The following PLEC variants were observed in gnomAD, a reference collection of about 807,000 sequenced individuals.
PLEC encodes hemidesmosomal protein 1.
Under a neutral mutation model 392.8 loss-of-function variants are expected in PLEC, and 216 were observed. That is an observed-to-expected ratio of 0.55 (90% CI 0.49 to 0.62). PLEC has a LOEUF of 0.62. Ranked by LOEUF, PLEC falls within the 20% of genes least tolerant of loss-of-function variation. PLEC has a pLI of 0.00. For synonymous variants in PLEC, 3,621 were observed against 2,980.6 expected, an observed-to-expected ratio of 1.21 and a Z score of -7.00; for missense variants, 6,863 against 6,563.4, an observed-to-expected ratio of 1.05 and a Z score of -1.58.
chr8:143,952,942 TC>T (rs1832340524), upstream of PLEC, among the ~76,000 whole-genome samples: 1 of 150,358 alleles, frequency 6.7e-6, no homozygotes, highest in Non-Finnish European at 1.5e-5. Flanking sequence ...AGCAGAATGT[TC>T]CTGGCCCACC....
upstream of PLEC, among the ~76,000 whole-genome samples, chr8:143,976,551 C>T (rs1041806060): frequency 5.9e-5 from 9 of 152,162 alleles, no homozygotes; most frequent in Non-Finnish European, 1.3e-4. Context: ...CTCGGGCGTG[C>T]AGGGAGGTGC....
At chr8:143,935,798 G>A (rs112171455) in intron 6 of PLEC, 50 bp downstream of exon 6, 88 of 1,597,268 alleles carry the variant, frequency 5.5e-5, no homozygotes, top group African/African-American at 2.3e-4. Context: ...TAGTGGAGGC[G>A]CTGTGGGGGT....
At chr8:143,973,666 C>T (rs1319094584), upstream of PLEC, 1 of 411,392 alleles carries the variant, frequency 2.4e-6, no homozygotes, top group Non-Finnish European at 3.3e-6. The surrounding 1 kb of genome is among the most constrained non-coding windows in gnomAD (Gnocchi z 5.6). Flanking sequence ...GTCTGGGCCC[C>T]TCCCGGCGGG....
At position 143,969,350 on chromosome 8, in the gene PLEC, G is replaced by C. The variant is rs1217244275; in HGVS notation, c.70+4053C>G. ...CCCCATCCAGGGCAGATTCCTCTGG[G>C]GCTGAGGCTACTGCAGCCTGTGGCA... On this transcript the variant is annotated intron_variant, in intron 1 of 31. Coordinates refer to the PLEC transcript ENST00000356346. The surrounding 1 kb of genome is among the most constrained non-coding windows in gnomAD (Gnocchi z 5.1). Among the ~76,000 whole-genome samples, 3 of 152,202 alleles carry C rather than the reference G, an allele frequency of 2.0e-5. No individual in the cohort carries two copies. Among genetic ancestry groups the C allele is most frequent in the African/African-American group, 7.2e-5 (3 of 41,446 alleles).
rs782648800 is a variant in PLEC, at chr8:143,925,248, G to A, written c.4681C>T (p.Arg1561Trp). Residue 1561 changes from arginine (R) to tryptophan (W), a missense_variant, in exon 31 of 32, where the codon CGG becomes TGG. Physicochemically the swap from Arg to Trp is moderately radical, Grantham distance 101 (BLOSUM62 -3). Coordinates refer to ENST00000345136, the MANE Select transcript of PLEC (RefSeq NM_201384.3). ...RLRQAEVERA[R>W]QVQVALETAQ... ...GTCTCCAGGGCCACCTGTACCTGCC[G>A]CGCTCGCTCCACCTCGGCCTGCCGC... 1.4e-5 allele frequency: 22 copies of A among 1,588,128 alleles called. No individual in the cohort carries two copies. The highest frequency in any genetic ancestry group is 4.5e-5 in the East Asian group (2 of 44,340).
At chr8:143,952,988 G>GCCC (rs1318313380), upstream of PLEC, among the ~76,000 whole-genome samples, 16 of 84,480 alleles carry the variant, frequency 1.9e-4, no homozygotes, top group African/African-American at 6.5e-4. Flanking sequence ...TGCGGCATGC[G>GCCC]CCACCCCCCC....
rs886044838 is a variant in PLEC, at chr8:143,932,630, C to A, written c.1815+5G>T. 6.2e-7 allele frequency: 1 copy of A among 1,611,118 alleles called. No individual in the cohort carries two copies. Among genetic ancestry groups the A allele is most frequent in the Non-Finnish European group, 8.5e-7 (1 of 1,179,378 alleles). On this transcript the variant is annotated splice_donor_5th_base_variant and intron_variant, in intron 15 of 31. Transcript: ENST00000345136. ...CCTCCCCCGGCTGGCCCTGCCCCCA[C>A]TCACCAGCAGCTTGGCGTACTGCAG...
At chr8:143,931,274 TC>T (rs1564115718) in intron 19 of PLEC, among the ~76,000 whole-genome samples, 3 of 151,708 alleles carry the variant, frequency 2.0e-5, no homozygotes, top group Non-Finnish European at 4.4e-5. Context: ...CCTGCCTCAT[TC>T]CCCCCTTGGC....
chr8:143,931,127 A>T (rs1387199442), intron 19 of PLEC, among the ~76,000 whole-genome samples: 1 of 152,132 alleles, frequency 6.6e-6, no homozygotes, highest in Non-Finnish European at 1.5e-5. Context: ...TGCTCCTTCT[A>T]TAGCACAAGG....
Position 143,916,484 on chromosome 8 carries a change from TAGG to T in PLEC, c.13334_13336del (p.Ser4445del), listed in dbSNP as rs1416004070. ...CATGCTGCGGTCCAGCGCGTCCTTA[TAGG>T]AGATCTTGAGCTTGGTCTTAGGGCA... On this transcript the variant is annotated inframe_deletion, in exon 32 of 32. Transcript: ENST00000345136. The T allele has an allele frequency of 6.2e-7, 1 of 1,611,164 alleles. No individual in the cohort carries two copies. The highest frequency in any genetic ancestry group is 8.5e-7 in the Non-Finnish European group (1 of 1,179,218).
upstream of PLEC, chr8:143,953,925 C>T (rs899666235): frequency 5.7e-5 from 81 of 1,424,252 alleles, 1 homozygote; most frequent in Admixed American, 2.2e-3. Flanking sequence ...ATCAATGCGC[C>T]GGACAGGGCC....
upstream of PLEC, chr8:143,975,159 A>G: frequency 6.3e-7 from 1 of 1,596,626 alleles, no homozygotes; most frequent in Non-Finnish European, 8.5e-7. This position sits in a 1 kb window ranked among gnomAD's most constrained non-coding sequence, Gnocchi z 9.9. Flanking sequence ...GTGCACAGGC[A>G]AGGCCCTGCG....
At position 143,925,563 on chromosome 8, in the gene PLEC, C is replaced by T. The variant is rs186848953; in HGVS notation, c.4366G>A (p.Val1456Met). ...GTGGCCTCCAACTGCAGGCGCACCA[C>T]GCGGATCTCCTCCTCGATGCGCAGC... Reference protein sequence around the residue: ...SRLRIEEEIRVVRLQLEATER... With the variant: ...SRLRIEEEIRMVRLQLEATER... The change falls in exon 31 of 32, where the codon GTG (valine) becomes ATG (methionine). Residue 1456 changes from valine to methionine, a missense_variant. Physicochemically the swap from Val to Met is conservative, Grantham distance 21. Transcript: ENST00000345136. 7,519 of 1,588,218 alleles carry T rather than the reference C, an allele frequency of 4.7e-3. 18 individuals carry two copies. Among genetic ancestry groups the T allele is most frequent in the Non-Finnish European group, 5.6e-3 (6,546 of 1,174,818 alleles).
Position 143,931,506 on chromosome 8 carries a change from ACACGCCCCTG to A in PLEC, c.2304+18_2304+27del. On this transcript the variant is annotated intron_variant, in intron 19 of 31. Coordinates refer to ENST00000345136, the MANE Select transcript of PLEC (RefSeq NM_201384.3). Reference sequence around the variant, plus strand: ...CCAGACTCCAGGCCAGCCCCTCCTGACACGCCCCTGCACACCCCCTCCCTCACCTGGGCAT... The same window carrying A: ...CCAGACTCCAGGCCAGCCCCTCCTGACACACCCCCTCCCTCACCTGGGCAT... 5 of 1,559,140 alleles carry A rather than the reference ACACGCCCCTG, an allele frequency of 3.2e-6. No individual in the cohort carries two copies. Among genetic ancestry groups the A allele is most frequent in the Non-Finnish European group, 4.3e-6 (5 of 1,152,220 alleles).
chr8:143,974,280 G>A (rs558600086), upstream of PLEC, among the ~76,000 whole-genome samples: 5 of 152,348 alleles, frequency 3.3e-5, no homozygotes, highest in Non-Finnish European at 5.9e-5. This position sits in a 1 kb window ranked among gnomAD's most constrained non-coding sequence, Gnocchi z 5.9. Flanking sequence ...CCGGGGCCTC[G>A]GGACCCCCCA....
chr8:143,923,267 C>T lies in PLEC; in HGVS notation c.6662G>A (p.Arg2221His), dbSNP rs782458946. ...CTCCTCCTCCACCTGGCTGCGCTGG[C>T]GTGCGGCCTCCGTGGCCTCCGCCTT... ...RLKAEATEAA[R>H]QRSQVEEELF... Residue 2221 changes from arginine to histidine, a missense_variant, in exon 31 of 32, where the codon CGC (arginine) becomes CAC (histidine). Coordinates refer to ENST00000345136, the MANE Select transcript of PLEC (RefSeq NM_201384.3). The T allele has an allele frequency of 2.1e-5, 33 of 1,606,522 alleles. No individual in the cohort carries two copies. The highest frequency in any genetic ancestry group is 2.7e-5 in the African/African-American group (2 of 74,910).
Position 143,918,184 on chromosome 8 carries a change from G to T in PLEC, c.11637C>A (p.Asp3879Glu). Residue 3879 changes from aspartate to glutamate, a missense_variant, in exon 32 of 32, where the codon GAC becomes GAA. Coordinates refer to ENST00000345136, the MANE Select transcript of PLEC (RefSeq NM_201384.3). ...GGCCACGGAAGGTCAGCTTGCGGGC[G>T]TCCGACAGTGGCAGGAGCAGCTGGC... ...GTGQLLLPLS[D>E]ARKLTFRGLR... The T allele has an allele frequency of 4.4e-6, 7 of 1,592,898 alleles. No homozygotes were observed. The highest frequency in any genetic ancestry group is 6.0e-6 in the Non-Finnish European group (7 of 1,175,810).
Position 143,918,293 on chromosome 8 carries a change from A to G in PLEC, c.11528T>C (p.Val3843Ala), listed in dbSNP as rs1554674705. The change falls in exon 32 of 32, where the codon GTG (valine) becomes GCG (alanine). Residue 3843 changes from valine (V) to alanine (A), a missense_variant. Val to Ala is a moderately conservative substitution (Grantham distance 64). Transcript: ENST00000345136. ...THDQLSEPSE[V>A]RSYVDPSTDE... ...GGTGGACGGGTCCACGTAGCTGCGC[A>G]CCTCGCTGGGCTCTGACAGCTGGTC... The G allele has an allele frequency of 3.1e-6, 5 of 1,591,506 alleles. No homozygotes were observed. Among genetic ancestry groups the G allele is most frequent in the Non-Finnish European group, 4.3e-6 (5 of 1,176,460 alleles).
rs1554700338 is a variant in PLEC at position 143,925,029 on chromosome 8, A to G, written c.4900T>C (p.Trp1634Arg). Residue 1634 changes from tryptophan (W) to arginine (R), a missense_variant, in exon 31 of 32, where the codon TGG becomes CGG. Physicochemically the swap from Trp to Arg is moderately radical, Grantham distance 101. Transcript: ENST00000345136. ...REEAERELER[W>R]QLKANEALRL... ...AGCGCCTCGTTGGCCTTGAGCTGCC[A>G]GCGCTCCAGCTCCCGCTCTGCCTCC... The G allele has an allele frequency of 5.1e-6, 8 of 1,562,576 alleles. No individual in the cohort carries two copies. Among genetic ancestry groups the G allele is most frequent in the Non-Finnish European group, 6.9e-6 (8 of 1,162,330 alleles).
Sources: allele counts gnomAD v4.1 joint callset (sites outside exome capture counted in the v4.1 genomes callset), GRCh38; gene constraint gnomAD v4.1.1; non-coding constraint Gnocchi (gnomAD v3.1); transcripts MANE v1.5; gene names NCBI Gene and HGNC (gene_info 2026-07-23, HGNC 2026-07-21).